The following NAALADL2 variants were observed in gnomAD, a reference collection of about 807,000 sequenced individuals.
The protein encoded by NAALADL2 is inactive N-acetylated-alpha-linked acidic dipeptidase-like protein 2.
NAALADL2 carries 76 observed loss-of-function variants against 87.2 expected under a neutral mutation model. That is an observed-to-expected ratio of 0.87 (90% CI 0.72 to 1.05). The LOEUF (loss-of-function observed/expected upper bound fraction) is 1.05. NAALADL2 is among the 50% of genes least tolerant of loss of function. The pLI, the probability that NAALADL2 is intolerant of heterozygous loss-of-function variation, is 0.00. For synonymous variants in NAALADL2, 354 were observed against 331.0 expected (o/e 1.07, Z -0.75); for missense variants, 1,089 against 945.8 (o/e 1.15, Z -1.99).
chr3:175,121,412 A>G (rs1464314719), intron 2 of NAALADL2, among the ~76,000 whole-genome samples: 1 of 151,860 alleles, frequency 6.6e-6, no homozygotes, highest in Non-Finnish European at 1.5e-5. Context: ...AGCATGGGGC[A>G]AACTAATGGA....
intron 9 of NAALADL2, among the ~76,000 whole-genome samples, chr3:175,481,479 AT>A (rs1483240779): frequency 6.6e-6 from 1 of 151,756 alleles, no homozygotes; most frequent in Non-Finnish European, 1.5e-5. Flanking sequence ...ATTGATAGGT[AT>A]TTGGAGCAAC....
intron 1 of NAALADL2, among the ~76,000 whole-genome samples, chr3:174,461,675 A>T (rs1396145576): frequency 6.6e-6 from 1 of 152,072 alleles, no homozygotes; most frequent in African/African-American, 2.4e-5. Flanking sequence ...TGTTGTAGTT[A>T]TTTCTGAAAA....
chr3:175,803,166 TTGATGTGTTCAAGAGTGTCTTGGA>T lies in NAALADL2; in HGVS notation c.2354_2377del (p.Asp785_Asp792del). 6.2e-7 allele frequency: 1 copy of T among 1,611,826 alleles called. No individual in the cohort carries two copies. Among genetic ancestry groups the T allele is most frequent in the Non-Finnish European group, 8.5e-7 (1 of 1,178,762 alleles). ...GCTCAGGTTTACTTCAAAGCAGGAC[TTGATGTGTTCAAGAGTGTCTTGGA>T]TGGGAAGAATTGAGAAAACTCTGAG... On this transcript the variant is annotated inframe_deletion, in exon 14 of 14. Transcript: ENST00000454872.
chr3:175,606,387 CT>C (rs372448967), intron 10 of NAALADL2, among the ~76,000 whole-genome samples: 3,128 of 147,450 alleles, frequency 0.021, 94 homozygotes, highest in Admixed American at 0.067. Context: ...AGAAACTAGC[CT>C]TTTTTTTTTT....
At chr3:175,081,750 A>G (rs1268430684) in intron 1 of NAALADL2, among the ~76,000 whole-genome samples, 2 of 152,092 alleles carry the variant, frequency 1.3e-5, no homozygotes, top group Non-Finnish European at 2.9e-5. Context: ...AGACCCCACA[A>G]TTTACTTCCG....
At chr3:174,563,338 A>C (rs1460598954) in intron 2 of NAALADL2, among the ~76,000 whole-genome samples, 3 of 151,556 alleles carry the variant, frequency 2.0e-5, no homozygotes, top group Admixed American at 2.0e-4. Context: ...AGGAACAAAG[A>C]AGTTTAGAAA....
chr3:174,555,628 A>G (rs1256024163), intron 2 of NAALADL2, among the ~76,000 whole-genome samples: 1 of 152,164 alleles, frequency 6.6e-6, no homozygotes, highest in African/African-American at 2.4e-5. Context: ...ACAGTTGTGC[A>G]GAAGTATGAT....
intron 2 of NAALADL2, among the ~76,000 whole-genome samples, chr3:175,136,922 T>C (rs1334813951): frequency 6.6e-6 from 1 of 152,192 alleles, no homozygotes; most frequent in African/African-American, 2.4e-5. Context: ...GCTAATATTC[T>C]TTTGGGAAAA....
At chr3:175,017,209 T>C (rs1275137996) in intron 1 of NAALADL2, among the ~76,000 whole-genome samples, 1 of 152,092 alleles carries the variant, frequency 6.6e-6, no homozygotes, top group African/African-American at 2.4e-5. Context: ...GATATATAAC[T>C]TAATACCGTA....
chr3:174,756,425 A>T (rs976216196), intron 3 of NAALADL2, among the ~76,000 whole-genome samples: 1 of 152,214 alleles, frequency 6.6e-6, no homozygotes, highest in African/African-American at 2.4e-5. Context: ...CCTCTGCTCC[A>T]TCTACTGGAA....
At chr3:175,399,648 T>TGGGTTTTGGC (rs1297758975) in intron 5 of NAALADL2, among the ~76,000 whole-genome samples, 1 of 152,098 alleles carries the variant, frequency 6.6e-6, no homozygotes, top group Non-Finnish European at 1.5e-5. Context: ...TTGGTTTTGG[T>TGGGTTTTGGC]GGGTTTTGGC....
At chr3:175,758,434 T>C (rs909270683) in intron 13 of NAALADL2, among the ~76,000 whole-genome samples, 1 of 151,798 alleles carries the variant, frequency 6.6e-6, no homozygotes, top group African/African-American at 2.4e-5. Context: ...CTATATATAC[T>C]ATAGCAGTGT....
At chr3:175,487,528 GA>G (rs1020014977) in intron 9 of NAALADL2, 20 of 456,468 alleles carry the variant, frequency 4.4e-5, no homozygotes, top group African/African-American at 4.0e-4. Flanking sequence ...CTTCCTCCAG[GA>G]ACCTTAGTTC....
At chr3:175,107,298 T>C (rs1723336128) in intron 2 of NAALADL2, among the ~76,000 whole-genome samples, 2 of 152,100 alleles carry the variant, frequency 1.3e-5, no homozygotes, top group South Asian at 2.1e-4. Context: ...ATCCAATCCA[T>C]TGCAAGCTTT....
chr3:174,617,015 T>C (rs1720527034), intron 2 of NAALADL2, among the ~76,000 whole-genome samples: 1 of 151,776 alleles, frequency 6.6e-6, no homozygotes, highest in South Asian at 2.1e-4. Flanking sequence ...AGGAAGTGAC[T>C]AAAATAATAT....
chr3:175,633,866 A>G (rs1728149588), intron 11 of NAALADL2, among the ~76,000 whole-genome samples: 1 of 151,656 alleles, frequency 6.6e-6, no homozygotes. Context: ...TGTTTTTGTA[A>G]TATGTAAACA....
intron 3 of NAALADL2, among the ~76,000 whole-genome samples, chr3:174,784,025 G>T (rs184325120): frequency 2.6e-5 from 4 of 152,108 alleles, no homozygotes; most frequent in African/African-American, 9.6e-5. Flanking sequence ...CCCAAAGAAA[G>T]AATAACTCAA....
intron 2 of NAALADL2, among the ~76,000 whole-genome samples, chr3:175,204,206 A>T (rs1282824267): frequency 6.6e-6 from 1 of 152,210 alleles, no homozygotes; most frequent in Non-Finnish European, 1.5e-5. Flanking sequence ...ACAAAATGCT[A>T]GCTAACCAAA....
chr3:175,511,647 C>G (rs1731173352), intron 9 of NAALADL2, among the ~76,000 whole-genome samples: 1 of 152,194 alleles, frequency 6.6e-6, no homozygotes, highest in South Asian at 2.1e-4. Context: ...AATACAGAGA[C>G]TCTCACTCAT....
Sources: allele counts gnomAD v4.1 joint callset (sites outside exome capture counted in the v4.1 genomes callset), GRCh38; gene constraint gnomAD v4.1.1; transcripts MANE v1.5; gene names NCBI Gene and HGNC (gene_info 2026-07-23, HGNC 2026-07-21).